Variants in EMC2 observed in about 807,000 individuals in gnomAD.
EMC2 encodes the protein ER membrane protein complex subunit 2, also known as TPR repeat protein 35.
In EMC2, 37 loss-of-function variants were observed where a neutral mutation model predicts 51.6. That is an observed-to-expected ratio of 0.72 (90% confidence interval 0.55 to 0.94). The LOEUF (loss-of-function observed/expected upper bound fraction) is 0.94. EMC2 is among the 40% of genes least tolerant of loss of function. The pLI is 0.00. For missense variants in EMC2, 359 were observed against 350.9 expected, an observed-to-expected ratio of 1.02 and a Z score of -0.18; for synonymous variants, 131 against 112.4, an observed-to-expected ratio of 1.17 and a Z score of -1.04.
intron 5 of EMC2, among the ~76,000 whole-genome samples, chr8:108,459,828 A>C (rs1247711139): frequency 6.6e-6 from 1 of 150,708 alleles, no homozygotes; most frequent in African/African-American, 2.4e-5. Flanking sequence ...GTTCAAGGAA[A>C]AATTTTGACA....
intron 5 of EMC2, among the ~76,000 whole-genome samples, chr8:108,462,218 T>TGCGTGTGTGTGTGTGTGTGC (rs1332466025): frequency 2.4e-4 from 34 of 141,790 alleles, no homozygotes; most frequent in African/African-American, 5.9e-4. Flanking sequence ...GTGTTTTGTG[T>TGCGTGTGTGTGTGTGTGTGC]GCGTGTGTGT....
chr8:108,455,645 T>C (rs1819132672), intron 4 of EMC2, among the ~76,000 whole-genome samples: 1 of 152,176 alleles, frequency 6.6e-6, no homozygotes, highest in African/African-American at 2.4e-5. Flanking sequence ...AAATTTTCTA[T>C]AAGTACTATA....
At chr8:108,455,990 CGAG>C in intron 5 of EMC2, 60 bp downstream of exon 5, 2 of 654,422 alleles carry the variant, frequency 3.1e-6, no homozygotes, top group East Asian at 3.5e-5. Flanking sequence ...TAAAATTAAT[CGAG>C]GAAATAATAG....
Position 108,463,508 on chromosome 8 carries a change from G to A in EMC2, c.364-6318G>A, listed in dbSNP as rs544638718. Among the ~76,000 whole-genome samples the A allele has an allele frequency of 4.6e-5, 7 of 152,200 alleles. No individual in the cohort carries two copies. In the East Asian group the frequency reaches 5.8e-4, roughly 13 times the overall value. ...GCCCAGCATTTGGTAGGCTTCCAGCGAATACTTGTTGAAGGAATGCCTTTC... is the reference window on the plus strand; with the variant it reads ...GCCCAGCATTTGGTAGGCTTCCAGCAAATACTTGTTGAAGGAATGCCTTTC... On this transcript the variant is annotated intron_variant, in intron 5 of 10. Transcript: ENST00000220853.
Position 108,476,886 on chromosome 8 carries a change from TTATA to T in EMC2, c.698_701del (p.Tyr233CysfsTer21). The T allele has an allele frequency of 1.4e-6, 2 of 1,467,768 alleles. No individual in the cohort carries two copies. Among genetic ancestry groups the T allele is most frequent in the Non-Finnish European group, 1.9e-6 (2 of 1,047,438 alleles). The allele number at this position is 1,467,768 out of a possible 1,614,324, so 90.9% of individuals were successfully genotyped here. A position where few individuals can be genotyped will look rare whatever the true frequency, so the allele number is the denominator to read the frequency against. ...GAAATATGAGAGCTTTGTTTGGACT[TTATA>T]TGGTGAGTTGAGGTGCATGTTTAAT... On this transcript the variant is annotated frameshift_variant and splice_region_variant, in exon 9 of 11. Coordinates refer to ENST00000220853, the MANE Select transcript of EMC2 (RefSeq NM_014673.5). LOFTEE classifies it high-confidence loss of function.
chr8:108,469,103 T>G (rs1810799119), intron 5 of EMC2, among the ~76,000 whole-genome samples: 1 of 152,222 alleles, frequency 6.6e-6, no homozygotes, highest in South Asian at 2.1e-4. Context: ...CTTACTGCAT[T>G]AACTTTTTTA....
Position 108,476,849 on chromosome 8 carries a change from A to G in EMC2, c.659A>G (p.Lys220Arg), listed in dbSNP as rs1382405378. The change falls in exon 9 of 11, where the codon AAA (lysine) becomes AGA (arginine). Residue 220 changes from lysine (K) to arginine (R), a missense_variant. Lys to Arg is a conservative substitution (Grantham distance 26, BLOSUM62 2). Coordinates refer to ENST00000220853, the MANE Select transcript of EMC2 (RefSeq NM_014673.5). ...AGAAAGTATTTTGCACAGGCATTGAAACTGAACAACAGAAATATGAGAGCT... is the reference window on the plus strand; with the variant it reads ...AGAAAGTATTTTGCACAGGCATTGAGACTGAACAACAGAAATATGAGAGCT... ...LSRKYFAQALKLNNRNMRALF... is the reference protein window; with the variant it reads ...LSRKYFAQALRLNNRNMRALF... 1 of 1,603,380 alleles carries G rather than the reference A, an allele frequency of 6.2e-7. No homozygotes were observed. Among genetic ancestry groups the G allele is most frequent in the Non-Finnish European group, 8.5e-7 (1 of 1,171,090 alleles).
intron 5 of EMC2, among the ~76,000 whole-genome samples, chr8:108,457,628 G>A (rs1192200286): frequency 6.6e-6 from 1 of 152,028 alleles, no homozygotes; most frequent in African/African-American, 2.4e-5. Flanking sequence ...CACTATCAGA[G>A]ACTCTTTCAC....
intron 10 of EMC2, among the ~76,000 whole-genome samples, chr8:108,481,714 A>G (rs1811047523): frequency 6.6e-6 from 1 of 152,176 alleles, no homozygotes; most frequent in South Asian, 2.1e-4. Flanking sequence ...GCAGCATCCC[A>G]AAGCTCTCTT....
chr8:108,459,061 CTT>C (rs1338047237), intron 5 of EMC2, among the ~76,000 whole-genome samples: 1 of 152,206 alleles, frequency 6.6e-6, no homozygotes, highest in African/African-American at 2.4e-5. Context: ...CCACCAGTCT[CTT>C]TGCTAAAACA....
chr8:108,475,952 C>T lies in EMC2; in HGVS notation c.580C>T (p.Gln194Ter). Reference protein sequence around the residue: ...TNPHNHLYCQQYAEVKYTQGG... With the variant: ...TNPHNHLYCQ ...TCCACACAACCACTTATACTGTCAG[C>T]AGTATGCTGAAGTAAGTGTTTTCAG... Residue 194 changes from glutamine to a stop codon, truncating the protein, a stop_gained, in exon 8 of 11, where the codon CAG becomes TAG. Coordinates refer to ENST00000220853, the MANE Select transcript of EMC2 (RefSeq NM_014673.5). LOFTEE classifies it high-confidence loss of function. The T allele has an allele frequency of 6.3e-7, 1 of 1,578,140 alleles. No homozygotes were observed. The highest frequency in any genetic ancestry group is 8.6e-7 in the Non-Finnish European group (1 of 1,158,846).
In EMC2 at chr8:108,476,903, G is replaced by C; in HGVS notation, c.702+11G>C. The C allele has an allele frequency of 8.2e-7, 1 of 1,223,624 alleles. No homozygotes were observed. Among genetic ancestry groups the C allele is most frequent in the Non-Finnish European group, 1.2e-6 (1 of 825,688 alleles). 75.8% of individuals were successfully genotyped at this position (1,223,624 alleles called of 1,614,324 possible). On this transcript the variant is annotated intron_variant, in intron 9 of 10. Coordinates refer to ENST00000220853, the MANE Select transcript of EMC2 (RefSeq NM_014673.5). ...TTTGGACTTTATATGGTGAGTTGAG[G>C]TGCATGTTTAATGTTATTTTTAAAA...
chr8:108,457,327 T>TGTGC (rs1215763688), intron 5 of EMC2, among the ~76,000 whole-genome samples: 1 of 85,388 alleles, frequency 1.2e-5, no homozygotes, highest in Non-Finnish European at 3.0e-5. Context: ...TGTGCGTGTG[T>TGTGC]GTGCGTGTGT....
At chr8:108,469,945 T>TA (rs1563698959) in intron 6 of EMC2, 34 bp downstream of exon 6, 1 of 1,567,720 alleles carries the variant, frequency 6.4e-7, no homozygotes, top group Non-Finnish European at 8.8e-7. Context: ...TGTTTTGTTA[T>TA]TCTGATAAAT....
Position 108,475,983 on chromosome 8 carries a change from T to A in EMC2, c.591+20T>A. ...GCTGAAGTAAGTGTTTTCAGAACAA[T>A]GGCATATAATTTTATTTTGGTTACT... On this transcript the variant is annotated intron_variant, in intron 8 of 10. Transcript: ENST00000220853. 7.3e-7 allele frequency: 1 copy of A among 1,363,642 alleles called. No homozygotes were observed. The highest frequency in any genetic ancestry group is 1.0e-6 in the Non-Finnish European group (1 of 985,458). The allele number at this position is 1,363,642 out of a possible 1,614,324, so 84.5% of individuals were successfully genotyped here.
At chr8:108,466,951 A>C (rs1385932297) in intron 5 of EMC2, among the ~76,000 whole-genome samples, 6 of 152,120 alleles carry the variant, frequency 3.9e-5, no homozygotes, top group Non-Finnish European at 7.3e-5. Flanking sequence ...ACAGCTGAGT[A>C]TTAAGTGTCC....
chr8:108,454,982 C>T (rs2130348498), intron 4 of EMC2, among the ~76,000 whole-genome samples: 1 of 151,992 alleles, frequency 6.6e-6, no homozygotes, highest in East Asian at 1.9e-4. Flanking sequence ...TTTTTTTCTT[C>T]TGGCATCTTT....
intron 10 of EMC2, among the ~76,000 whole-genome samples, chr8:108,486,299 C>T (rs1449712972): frequency 1.3e-5 from 2 of 151,826 alleles, no homozygotes; most frequent in Non-Finnish European, 2.9e-5. Context: ...GTGCAGTGAA[C>T]TCTCTGTACA....
chr8:108,469,678 G>C (rs982910320), intron 5 of EMC2, 148 bp from the exon 6 acceptor site: 27 of 600,696 alleles, frequency 4.5e-5, no homozygotes, highest in Non-Finnish European at 5.0e-5. Context: ...GGGATGTCAT[G>C]GGGTATGTTT....
Sources: gnomAD v4.1 joint callset for allele counts (sites outside exome capture counted in the v4.1 genomes callset) on GRCh38, gnomAD v4.1.1 for gene constraint, MANE v1.5 for transcripts, NCBI Gene and HGNC (gene_info 2026-07-23, HGNC 2026-07-21) for gene names.